AUH: variants seen among roughly 807,000 people sequenced by gnomAD.
The protein encoded by AUH is methylglutaconyl-CoA hydratase, mitochondrial.
Under a neutral mutation model 42.3 loss-of-function variants are expected in AUH, and 29 were observed. The ratio of observed to expected loss-of-function variants is 0.69; its 90% confidence interval spans 0.51 to 0.93. The LOEUF (loss-of-function observed/expected upper bound fraction) is 0.93, where lower values mean the gene tolerates loss of function less well. Among genes scored for constraint, AUH ranks in the 40% least tolerant of loss-of-function variants. The pLI is 0.00. For missense variants in AUH, 452 were observed against 438.1 expected (o/e 1.03, Z -0.28); for synonymous variants, 174 against 166.4 (o/e 1.05, Z -0.35).
intron 6 of AUH, among the ~76,000 whole-genome samples, chr9:91,236,693 G>A (rs993716399): frequency 6.6e-6 from 1 of 152,140 alleles, no homozygotes; most frequent in Non-Finnish European, 1.5e-5. Context: ...ATGGGAAGGA[G>A]GAAGAGATCC....
intron 6 of AUH, among the ~76,000 whole-genome samples, chr9:91,248,235 G>A (rs926915490): frequency 2.0e-5 from 3 of 152,002 alleles, no homozygotes; most frequent in African/African-American, 4.8e-5. Flanking sequence ...TTTTGCATAC[G>A]GACAACCAAT....
At chr9:91,308,226 A>T (rs1828381321) in intron 4 of AUH, among the ~76,000 whole-genome samples, 1 of 152,192 alleles carries the variant, frequency 6.6e-6, no homozygotes, top group Non-Finnish European at 1.5e-5. Flanking sequence ...TTAGCCAGGC[A>T]TGGTGGACTG....
chr9:91,329,757 A>C (rs990438709), intron 3 of AUH, among the ~76,000 whole-genome samples: 1 of 152,194 alleles, frequency 6.6e-6, no homozygotes, highest in African/African-American at 2.4e-5. Flanking sequence ...TCAAAATTAT[A>C]AATTTTTATC....
intron 3 of AUH, among the ~76,000 whole-genome samples, chr9:91,333,944 G>A (rs1830512768): frequency 6.6e-6 from 1 of 152,130 alleles, no homozygotes; most frequent in Non-Finnish European, 1.5e-5. Context: ...TTTCCATTGT[G>A]GAAGAGGCAA....
At chr9:91,327,771 G>T (rs1464097724) in intron 3 of AUH, among the ~76,000 whole-genome samples, 1 of 152,198 alleles carries the variant, frequency 6.6e-6, no homozygotes, top group African/African-American at 2.4e-5. Flanking sequence ...GTGAAGAGCT[G>T]CAACATTTCT....
At chr9:91,274,209 A>C (rs923125714) in intron 6 of AUH, among the ~76,000 whole-genome samples, 1 of 152,254 alleles carries the variant, frequency 6.6e-6, no homozygotes, top group African/African-American at 2.4e-5. Flanking sequence ...AAAATCCTAG[A>C]AAATACAAAA....
chr9:91,338,759 G>A (rs1372435641), intron 3 of AUH, among the ~76,000 whole-genome samples: 1 of 152,182 alleles, frequency 6.6e-6, no homozygotes, highest in Admixed American at 6.5e-5. Context: ...AATGCTACTA[G>A]CATAAGAAAG....
At chr9:91,260,779 C>T (rs1829667222) in intron 6 of AUH, among the ~76,000 whole-genome samples, 1 of 152,120 alleles carries the variant, frequency 6.6e-6, no homozygotes, top group South Asian at 2.1e-4. Context: ...ATACAATAGA[C>T]CCAGGTCACT....
intron 7 of AUH, chr9:91,219,049 C>T (rs1405730814): frequency 1.0e-5 from 10 of 985,242 alleles, no homozygotes; most frequent in Admixed American, 6.1e-5. Context: ...ACTGTGATGA[C>T]GGCTGGGTAA....
chr9:91,239,824 A>G (rs1226249665), intron 6 of AUH, among the ~76,000 whole-genome samples: 1 of 152,180 alleles, frequency 6.6e-6, no homozygotes, highest in Non-Finnish European at 1.5e-5. Flanking sequence ...CAACCCCAGC[A>G]GAACCTGCCT....
chr9:91,214,364 C>T lies in AUH; in HGVS notation c.1004G>A (p.Arg335His), dbSNP rs529693736. Residue 335 changes from arginine (R) to histidine (H), a missense_variant, in exon 10 of 10, where the codon CGC (arginine) becomes CAC (histidine). Coordinates refer to ENST00000375731, the MANE Select transcript of AUH (RefSeq NM_001698.3). ...LLAFKEKRPPRYKGE is the reference protein window; with the variant it reads ...LLAFKEKRPPHYKGE Reference sequence around the variant, plus strand: ...CTGTTCCTTTTATTCTCCTTTATAGCGAGGGGGCCTTTTCTCTTTAAAAGC... The same window carrying T: ...CTGTTCCTTTTATTCTCCTTTATAGTGAGGGGGCCTTTTCTCTTTAAAAGC... 72 of 1,609,556 alleles carry T rather than the reference C, an allele frequency of 4.5e-5. No homozygotes were observed. Among genetic ancestry groups the T allele is most frequent in the Middle Eastern group, 3.3e-4 (2 of 6,056 alleles).
Position 91,352,619 on chromosome 9 carries a change from C to G in AUH, c.418+3264G>C, listed in dbSNP as rs183112852. Among the ~76,000 whole-genome samples the G allele has an allele frequency of 1.2e-3, 179 of 152,166 alleles. 5 individuals carry two copies. The highest frequency in any genetic ancestry group is 0.012 in the Admixed American group (177 of 15,280). ...GAAGTCAGAAATCACTTGGCCCAACCTCCAATGCAATGTAGGAATCTCTTT... is the reference window on the plus strand; with the variant it reads ...GAAGTCAGAAATCACTTGGCCCAACGTCCAATGCAATGTAGGAATCTCTTT... On this transcript the variant is annotated intron_variant, in intron 3 of 9. Transcript: ENST00000375731.
intron 4 of AUH, among the ~76,000 whole-genome samples, chr9:91,301,569 G>A (rs1827785732): frequency 6.6e-6 from 1 of 152,138 alleles, no homozygotes; most frequent in African/African-American, 2.4e-5. Flanking sequence ...GAGAAATTAT[G>A]TTTCTAAAGA....
chr9:91,218,145 G>A (rs1384186901), intron 7 of AUH, among the ~76,000 whole-genome samples: 2 of 152,162 alleles, frequency 1.3e-5, no homozygotes, highest in Non-Finnish European at 2.9e-5. Context: ...CACAGCAAAG[G>A]ACTCTTGGAT....
chr9:91,247,049 C>A (rs983079613), intron 6 of AUH, among the ~76,000 whole-genome samples: 5 of 152,226 alleles, frequency 3.3e-5, no homozygotes, highest in Middle Eastern at 3.2e-3. Context: ...GACAATCCTT[C>A]AGCCTACTCA....
At position 91,325,302 on chromosome 9, in the gene AUH, A is replaced by G; in HGVS notation, c.505+16T>C. 1.2e-6 allele frequency: 2 copies of G among 1,607,684 alleles called. No individual in the cohort carries two copies. Among genetic ancestry groups the G allele is most frequent in the Non-Finnish European group, 1.7e-6 (2 of 1,174,286 alleles). On this transcript the variant is annotated intron_variant, in intron 4 of 9. Transcript: ENST00000375731. Reference sequence around the variant, plus strand: ...ACCCCTTCGGCATGCTGAAAGAAGAACTTAATAGTGCTTACCAATATCGTT... The same window carrying G: ...ACCCCTTCGGCATGCTGAAAGAAGAGCTTAATAGTGCTTACCAATATCGTT...
At chr9:91,335,263 T>A (rs1035207213) in intron 3 of AUH, among the ~76,000 whole-genome samples, 10 of 152,226 alleles carry the variant, frequency 6.6e-5, no homozygotes, top group African/African-American at 2.4e-4. Flanking sequence ...GCTCTGGTAT[T>A]ACTAGTTTTC....
intron 6 of AUH, among the ~76,000 whole-genome samples, chr9:91,295,048 G>A (rs563179509): frequency 4.7e-4 from 71 of 152,244 alleles, no homozygotes; most frequent in African/African-American, 1.5e-3. Flanking sequence ...TACTATTCTC[G>A]TCGTGGTGAA....
chr9:91,283,026 C>G (rs934399453), intron 6 of AUH, among the ~76,000 whole-genome samples: 1 of 152,188 alleles, frequency 6.6e-6, no homozygotes, highest in African/African-American at 2.4e-5. Flanking sequence ...GAATTTTACA[C>G]CAATATCCCT....
Sources: allele counts gnomAD v4.1 joint callset (sites outside exome capture counted in the v4.1 genomes callset), GRCh38; gene constraint gnomAD v4.1.1; transcripts MANE v1.5; gene names NCBI Gene and HGNC (gene_info 2026-07-23, HGNC 2026-07-21).